The following CAMTA1 variants were observed in gnomAD, a reference collection of about 807,000 sequenced individuals.
CAMTA1 encodes calmodulin-binding transcription activator 1.
In CAMTA1, 27 loss-of-function variants were observed where a neutral mutation model predicts 170.9. The observed-to-expected ratio is 0.16, with a 90% CI of 0.12 to 0.22. The LOEUF (loss-of-function observed/expected upper bound fraction) is 0.22. Ranked by LOEUF, CAMTA1 falls within the 10% of genes least tolerant of loss-of-function variation. CAMTA1 has a pLI of 1.00. For missense variants in CAMTA1, 1,619 were observed against 2,217.2 expected (o/e 0.73, Z 5.42); for synonymous variants, 833 against 891.5 (o/e 0.93, Z 1.17).
At chr1:6,952,460 A>G (rs961365168) in intron 3 of CAMTA1, among the ~76,000 whole-genome samples, 2 of 147,254 alleles carry the variant, frequency 1.4e-5, no homozygotes, top group African/African-American at 5.0e-5. Context: ...AAAAAAAGAG[A>G]TAACATAGTG....
intron 3 of CAMTA1, among the ~76,000 whole-genome samples, chr1:6,896,448 C>T (rs527823590): frequency 2.6e-5 from 4 of 152,142 alleles, no homozygotes; most frequent in Non-Finnish European, 5.9e-5. Context: ...GTGATTTCTC[C>T]TGTGGCGTGT....
At chr1:7,550,088 G>A (rs914029227) in intron 6 of CAMTA1, among the ~76,000 whole-genome samples, 1 of 152,102 alleles carries the variant, frequency 6.6e-6, no homozygotes, top group Non-Finnish European at 1.5e-5. Flanking sequence ...GGTGCAGGGA[G>A]TGGAGGAGAG....
At chr1:6,803,627 T>G (rs768222090) in intron 1 of CAMTA1, among the ~76,000 whole-genome samples, 1 of 152,248 alleles carries the variant, frequency 6.6e-6, no homozygotes, top group Non-Finnish European at 1.5e-5. Flanking sequence ...CTGAGTATGT[T>G]CTGCTAAACA....
chr1:7,398,001 T>C (rs1050916340), intron 5 of CAMTA1, among the ~76,000 whole-genome samples: 6 of 151,558 alleles, frequency 4.0e-5, no homozygotes, highest in Non-Finnish European at 7.4e-5. Context: ...TAGGTCCATT[T>C]GATCTAGAGT....
chr1:7,735,177 G>A (rs182471776), intron 12 of CAMTA1, among the ~76,000 whole-genome samples: 20 of 152,184 alleles, frequency 1.3e-4, no homozygotes, highest in Admixed American at 1.1e-3. Flanking sequence ...AAAACAGTCC[G>A]CATCTAAGTG....
intron 3 of CAMTA1, among the ~76,000 whole-genome samples, chr1:6,837,384 C>G (rs1411966195): frequency 6.6e-6 from 1 of 151,960 alleles, no homozygotes; most frequent in Non-Finnish European, 1.5e-5. Flanking sequence ...AGGGGAGGCT[C>G]CCCCTGGGAA....
At chr1:7,581,182 C>T (rs1228204258) in intron 6 of CAMTA1, among the ~76,000 whole-genome samples, 1 of 152,212 alleles carries the variant, frequency 6.6e-6, no homozygotes, top group Non-Finnish European at 1.5e-5. Context: ...TCCCCTTTCC[C>T]TGGCACCAAC....
intron 11 of CAMTA1, among the ~76,000 whole-genome samples, chr1:7,714,737 G>T (rs10449315): frequency 0.17 from 26,295 of 152,002 alleles, 2,401 homozygotes; most frequent in Middle Eastern, 0.27. Context: ...GGTCAGGCTG[G>T]TCTCAAACTC....
rs74051024 is a variant in CAMTA1, at chr1:6,885,405, T to C, written c.234+60195T>C. ...GAGAGTTCTGACATTTAAAAAATTA[T>C]TTTCTATTTATACCTGAGTCATTAG... On this transcript the variant is annotated intron_variant, in intron 3 of 22. Coordinates refer to ENST00000303635, the MANE Select transcript of CAMTA1 (RefSeq NM_015215.4). 2.6e-3 allele frequency among the ~76,000 whole-genome samples: 395 copies of C among 152,342 alleles called. 1 individual carries two copies. Among genetic ancestry groups the C allele is most frequent in the African/African-American group, 9.2e-3 (382 of 41,574 alleles).
intron 4 of CAMTA1, among the ~76,000 whole-genome samples, chr1:7,137,695 G>A (rs1220517828): frequency 6.6e-6 from 1 of 152,064 alleles, no homozygotes; most frequent in African/African-American, 2.4e-5. Flanking sequence ...CCTCTACTTG[G>A]TATGCCCTTT....
chr1:7,347,694 T>TC (rs2084327034), intron 5 of CAMTA1, among the ~76,000 whole-genome samples: 1 of 152,124 alleles, frequency 6.6e-6, no homozygotes, highest in African/African-American at 2.4e-5. Flanking sequence ...CGACCCCTCT[T>TC]CAGCTCCTGG....
intron 5 of CAMTA1, among the ~76,000 whole-genome samples, chr1:7,388,726 C>T (rs921332666): frequency 3.3e-5 from 5 of 152,324 alleles, no homozygotes; most frequent in South Asian, 2.1e-4. Flanking sequence ...ACTGCTGATG[C>T]GCCTCCTGGG....
chr1:6,961,828 C>T (rs1312278820), intron 3 of CAMTA1, among the ~76,000 whole-genome samples: 2 of 152,238 alleles, frequency 1.3e-5, no homozygotes, highest in African/African-American at 4.8e-5. Context: ...GGCTTGCCCC[C>T]AGCCTCTAAA....
chr1:6,942,160 A>C (rs968229564), intron 3 of CAMTA1, among the ~76,000 whole-genome samples: 2 of 151,616 alleles, frequency 1.3e-5, no homozygotes, highest in Non-Finnish European at 2.9e-5. Flanking sequence ...ACCCTGCTTC[A>C]TAATTGGCCT....
intron 11 of CAMTA1, among the ~76,000 whole-genome samples, chr1:7,690,335 G>A (rs1349631760): frequency 6.6e-6 from 1 of 152,188 alleles, no homozygotes; most frequent in East Asian, 1.9e-4. Flanking sequence ...CTAGCCCTCT[G>A]CTCCCTGGCC....
At chr1:7,549,661 G>A (rs1340237667) in intron 6 of CAMTA1, among the ~76,000 whole-genome samples, 1 of 152,190 alleles carries the variant, frequency 6.6e-6, no homozygotes, top group Non-Finnish European at 1.5e-5. Flanking sequence ...ATGTCCTCAA[G>A]TGATATGTGA....
intron 5 of CAMTA1, among the ~76,000 whole-genome samples, chr1:7,431,507 G>C (rs370964955): frequency 6.6e-6 from 1 of 152,140 alleles, no homozygotes; most frequent in African/African-American, 2.4e-5. Flanking sequence ...TGGGAAGAGC[G>C]TCCTGCCATA....
chr1:7,270,566 G>A (rs1669653761), intron 5 of CAMTA1, among the ~76,000 whole-genome samples: 1 of 152,094 alleles, frequency 6.6e-6, no homozygotes, highest in African/African-American at 2.4e-5. Flanking sequence ...AAAGTACTGG[G>A]ATTATAGGCA....
chr1:7,575,592 G>C (rs2095180975), intron 6 of CAMTA1, among the ~76,000 whole-genome samples: 1 of 152,160 alleles, frequency 6.6e-6, no homozygotes, highest in Non-Finnish European at 1.5e-5. Context: ...CCCTGCCCAG[G>C]GCCTCAGTTT....
Sources: allele counts gnomAD v4.1 joint callset (sites outside exome capture counted in the v4.1 genomes callset), GRCh38; gene constraint gnomAD v4.1.1; transcripts MANE v1.5; gene names NCBI Gene and HGNC (gene_info 2026-07-23, HGNC 2026-07-21).